Variants in CDKAL1 observed in about 807,000 individuals in gnomAD.
The protein encoded by CDKAL1 is CDKAL1 threonylcarbamoyladenosine tRNA methylthiotransferase.
In CDKAL1, 32 loss-of-function variants were observed where a neutral mutation model predicts 68.2. The observed-to-expected ratio is 0.47, with a 90% CI of 0.35 to 0.63. CDKAL1 has a LOEUF of 0.63. CDKAL1 is among the 30% of genes least tolerant of loss of function. The probability of loss-of-function intolerance (pLI) is 0.00; values close to 1 mark genes in which losing one functional copy is unlikely to be tolerated. For synonymous variants in CDKAL1, 234 were observed against 244.3 expected, an observed-to-expected ratio of 0.96 and a Z score of 0.39; for missense variants, 606 against 696.7, an observed-to-expected ratio of 0.87 and a Z score of 1.47.
intron 11 of CDKAL1, among the ~76,000 whole-genome samples, chr6:21,035,505 C>A (rs201299): frequency 0.16 from 24,693 of 151,954 alleles, 2,210 homozygotes; most frequent in Middle Eastern, 0.23. Context: ...TAGAAAACAT[C>A]TAAGGGTCAG....
chr6:20,650,184 G>A (rs1768688125), intron 5 of CDKAL1, among the ~76,000 whole-genome samples: 2 of 152,272 alleles, frequency 1.3e-5, no homozygotes, highest in African/African-American at 4.8e-5. Flanking sequence ...CCCACCAACA[G>A]TGTAAAAGTG....
intron 13 of CDKAL1, among the ~76,000 whole-genome samples, chr6:21,137,182 C>A (rs1036308714): frequency 6.6e-6 from 1 of 152,144 alleles, no homozygotes; most frequent in Non-Finnish European, 1.5e-5. Context: ...ATCAGATTGA[C>A]AACGGAGAAA....
intron 4 of CDKAL1, among the ~76,000 whole-genome samples, chr6:20,617,048 A>AT (rs1279636517): frequency 6.6e-6 from 1 of 151,518 alleles, no homozygotes; most frequent in East Asian, 1.9e-4. Flanking sequence ...CAGAAGAAAA[A>AT]AAAAAAAGCC....
intron 5 of CDKAL1, among the ~76,000 whole-genome samples, chr6:20,732,263 C>CTTTTTTTTTTTTTTTTT (rs56911987): frequency 5.5e-4 from 46 of 83,490 alleles, no homozygotes; most frequent in African/African-American, 7.8e-4. Flanking sequence ...TTCTTTCTTT[C>CTTTTTTTTTTTTTTTTT]TTTTTTTTTT....
At chr6:20,857,009 A>G (rs552082964) in intron 9 of CDKAL1, among the ~76,000 whole-genome samples, 1 of 152,296 alleles carries the variant, frequency 6.6e-6, no homozygotes, top group African/African-American at 2.4e-5. Flanking sequence ...ACTGCAGTAA[A>G]CATACTTGCA....
intron 9 of CDKAL1, among the ~76,000 whole-genome samples, chr6:20,952,015 G>A (rs1764554483): frequency 7.1e-6 from 1 of 141,582 alleles, no homozygotes; most frequent in African/African-American, 2.6e-5. Context: ...CTGGAGTGCA[G>A]TGGCACGATC....
chr6:20,777,086 G>T (rs1187476469), intron 7 of CDKAL1, among the ~76,000 whole-genome samples: 1 of 152,194 alleles, frequency 6.6e-6, no homozygotes, highest in Non-Finnish European at 1.5e-5. Flanking sequence ...GGAATTCTGG[G>T]AGCTGAGCTA....
At chr6:20,566,331 T>C (rs1172478459) in intron 4 of CDKAL1, among the ~76,000 whole-genome samples, 1 of 152,174 alleles carries the variant, frequency 6.6e-6, no homozygotes, top group East Asian at 1.9e-4. Flanking sequence ...TATGTTAATA[T>C]GTTATAGCTT....
In CDKAL1 at chr6:20,948,182, A is replaced by C. The variant is rs141559005; in HGVS notation, c.743-7237A>C. Among the ~76,000 whole-genome samples the C allele has an allele frequency of 2.3e-3, 345 of 151,846 alleles. 9 individuals are homozygous for C. Among genetic ancestry groups the C allele is most frequent in the Admixed American group, 0.011 (167 of 15,246 alleles). ...CAGGTGCACACTACCATGCCCAACT[A>C]ATTTTTTTAGTTTTTGTAGAGATAG... On this transcript the variant is annotated intron_variant, in intron 9 of 15. Transcript: ENST00000274695.
chr6:20,886,313 G>C (rs1761064252), intron 9 of CDKAL1, among the ~76,000 whole-genome samples: 1 of 152,166 alleles, frequency 6.6e-6, no homozygotes, highest in African/African-American at 2.4e-5. Context: ...TGCAGCTACT[G>C]TGGAAAACAA....
intron 9 of CDKAL1, among the ~76,000 whole-genome samples, chr6:20,915,505 C>T (rs1581822517): frequency 6.6e-6 from 1 of 152,288 alleles, no homozygotes; most frequent in South Asian, 2.1e-4. Flanking sequence ...GAAAGAGGCC[C>T]ACCCACATTT....
chr6:20,729,633 C>T (rs1274638470), intron 5 of CDKAL1, among the ~76,000 whole-genome samples: 2 of 152,144 alleles, frequency 1.3e-5, no homozygotes, highest in Non-Finnish European at 2.9e-5. Flanking sequence ...CTCACGACAA[C>T]CTCATGAGGT....
At chr6:20,665,991 C>T (rs1769524252) in intron 5 of CDKAL1, among the ~76,000 whole-genome samples, 1 of 151,872 alleles carries the variant, frequency 6.6e-6, no homozygotes, top group Admixed American at 6.6e-5. Context: ...TTGGATTTAA[C>T]CACTTACTGA....
chr6:20,847,430 A>G (rs995185542), intron 9 of CDKAL1, among the ~76,000 whole-genome samples: 1 of 152,318 alleles, frequency 6.6e-6, no homozygotes, highest in African/African-American at 2.4e-5. Flanking sequence ...TTTTCCATGT[A>G]TCTGTCAGAT....
chr6:20,611,405 A>C (rs1244281174), intron 4 of CDKAL1, among the ~76,000 whole-genome samples: 1 of 152,170 alleles, frequency 6.6e-6, no homozygotes, highest in Non-Finnish European at 1.5e-5. Context: ...TGCTGGGATT[A>C]CAGATGATTT....
At chr6:20,806,953 G>A (rs1282119484) in intron 8 of CDKAL1, among the ~76,000 whole-genome samples, 1 of 152,176 alleles carries the variant, frequency 6.6e-6, no homozygotes, top group Non-Finnish European at 1.5e-5. Context: ...CTGTGAAAAT[G>A]TAGAGTGTTT....
intron 13 of CDKAL1, among the ~76,000 whole-genome samples, chr6:21,123,079 A>G (rs565173304): frequency 6.6e-6 from 1 of 152,278 alleles, no homozygotes; most frequent in South Asian, 2.1e-4. Context: ...TATCAAGACT[A>G]GCTGAGATGA....
intron 11 of CDKAL1, among the ~76,000 whole-genome samples, chr6:21,019,943 T>C (rs887100627): frequency 2.0e-5 from 3 of 152,158 alleles, no homozygotes; most frequent in African/African-American, 4.8e-5. Context: ...CTTTTGTGTC[T>C]TTGTTATCCA....
intron 9 of CDKAL1, among the ~76,000 whole-genome samples, chr6:20,952,111 A>G (rs921777232): frequency 2.6e-4 from 40 of 151,774 alleles, no homozygotes; most frequent in Middle Eastern, 6.8e-3. Context: ...GGCGCCCGCC[A>G]CCATGCCCGG....
Sources: allele counts gnomAD v4.1 joint callset (sites outside exome capture counted in the v4.1 genomes callset), GRCh38; gene constraint gnomAD v4.1.1; transcripts MANE v1.5; gene names NCBI Gene and HGNC (gene_info 2026-07-23, HGNC 2026-07-21).